Variants in NIPAL2 observed in about 807,000 individuals in gnomAD.
The protein encoded by NIPAL2 is NIPA like domain containing 2.
A neutral mutation model predicts 48.9 loss-of-function variants in NIPAL2; 43 were observed. That is an observed-to-expected ratio of 0.88 (90% CI 0.69 to 1.13). The LOEUF is 1.13. NIPAL2 is among the 50% of genes most tolerant of loss of function. The pLI is 0.00. For synonymous variants in NIPAL2, 167 were observed against 174.6 expected, an observed-to-expected ratio of 0.96 and a Z score of 0.34; for missense variants, 446 against 461.4, an observed-to-expected ratio of 0.97 and a Z score of 0.31.
chr8:98,245,534 T>C (rs1813266534), intron 3 of NIPAL2, among the ~76,000 whole-genome samples: 1 of 152,250 alleles, frequency 6.6e-6, no homozygotes, highest in Non-Finnish European at 1.5e-5. Context: ...TTGCATAATT[T>C]CAAACGAGGG....
intron 5 of NIPAL2, chr8:98,216,900 C>T (rs1184840161): frequency 6.7e-6 from 2 of 299,970 alleles, no homozygotes; most frequent in African/African-American, 4.5e-5. Flanking sequence ...AAGAAAAGGG[C>T]CTCATGGTCA....
chr8:98,268,848 A>G (rs1814945145), intron 1 of NIPAL2, among the ~76,000 whole-genome samples: 1 of 152,194 alleles, frequency 6.6e-6, no homozygotes, highest in South Asian at 2.1e-4. Context: ...ACATACTGCA[A>G]TAGCATTATG....
chr8:98,242,606 C>T (rs1301187925), intron 3 of NIPAL2, among the ~76,000 whole-genome samples: 1 of 151,572 alleles, frequency 6.6e-6, no homozygotes, highest in East Asian at 1.9e-4. Context: ...CTGCCTCAGC[C>T]TCCTGAGTAG....
chr8:98,225,218 G>A (rs1812107381), intron 4 of NIPAL2, among the ~76,000 whole-genome samples: 1 of 152,144 alleles, frequency 6.6e-6, no homozygotes, highest in African/African-American at 2.4e-5. Flanking sequence ...GCAGTTCTGG[G>A]TAGCTGCCAC....
intron 1 of NIPAL2, among the ~76,000 whole-genome samples, chr8:98,263,405 G>C (rs1328693271): frequency 3.3e-5 from 5 of 150,582 alleles, no homozygotes; most frequent in Non-Finnish European, 5.9e-5. Context: ...GAAAAAAAGA[G>C]AGAAGAATCT....
chr8:98,241,149 G>T (rs1330062762), intron 3 of NIPAL2, among the ~76,000 whole-genome samples: 2 of 152,202 alleles, frequency 1.3e-5, no homozygotes, highest in African/African-American at 2.4e-5. Context: ...AGGTATAACT[G>T]AAAACACCAA....
chr8:98,228,401 G>A (rs1189587383), intron 4 of NIPAL2, among the ~76,000 whole-genome samples: 2 of 152,108 alleles, frequency 1.3e-5, no homozygotes, highest in African/African-American at 2.4e-5. Context: ...TGCATTTTAG[G>A]TCAAGACTTG....
intron 3 of NIPAL2, among the ~76,000 whole-genome samples, chr8:98,251,204 GA>G (rs1305503840): frequency 6.6e-6 from 1 of 151,652 alleles, no homozygotes; most frequent in Non-Finnish European, 1.5e-5. Context: ...ATAAAGTAAG[GA>G]AAAAAACTAA....
At chr8:98,213,521 C>T (rs1364645827) in intron 5 of NIPAL2, among the ~76,000 whole-genome samples, 1 of 152,210 alleles carries the variant, frequency 6.6e-6, no homozygotes, top group Non-Finnish European at 1.5e-5. Context: ...ATCATAAAGT[C>T]ATAGGCAACT....
At chr8:98,255,098 C>G (rs1299957910) in intron 1 of NIPAL2, among the ~76,000 whole-genome samples, 2 of 152,158 alleles carry the variant, frequency 1.3e-5, no homozygotes, top group African/African-American at 4.8e-5. Flanking sequence ...TCTGCATCAT[C>G]TACTGCTATA....
At chr8:98,281,001 A>G (rs992614060) in intron 1 of NIPAL2, among the ~76,000 whole-genome samples, 24 of 152,006 alleles carry the variant, frequency 1.6e-4, no homozygotes, top group Non-Finnish European at 2.8e-4. Context: ...AGGAGATGAT[A>G]ACAAGAGAAG....
intron 3 of NIPAL2, chr8:98,252,211 T>C: frequency 2.5e-6 from 1 of 401,924 alleles, no homozygotes. Context: ...CTGTCACCGT[T>C]AATTTATTAA....
At chr8:98,229,523 C>T (rs1812335078) in intron 4 of NIPAL2, among the ~76,000 whole-genome samples, 1 of 152,156 alleles carries the variant, frequency 6.6e-6, no homozygotes, top group Non-Finnish European at 1.5e-5. Context: ...CAGGCATGTG[C>T]CACCATGACT....
intron 1 of NIPAL2, among the ~76,000 whole-genome samples, chr8:98,268,623 A>G (rs199655121): frequency 5.1e-5 from 2 of 39,268 alleles, no homozygotes; most frequent in Non-Finnish European, 1.6e-4. Flanking sequence ...TGTCTCAAAG[A>G]AAAAAAAAAA....
intron 1 of NIPAL2, among the ~76,000 whole-genome samples, chr8:98,260,748 C>T (rs1407137213): frequency 3.3e-5 from 5 of 152,168 alleles, no homozygotes; most frequent in Non-Finnish European, 7.3e-5. Flanking sequence ...ACAAAGCAGC[C>T]GGGAAGCTCC....
At chr8:98,287,675 C>G (rs911485370) in intron 1 of NIPAL2, among the ~76,000 whole-genome samples, 10 of 152,146 alleles carry the variant, frequency 6.6e-5, no homozygotes. Flanking sequence ...ATTTGACATG[C>G]ATTATCTTAT....
chr8:98,268,300 G>A (rs1814898594), intron 1 of NIPAL2, among the ~76,000 whole-genome samples: 1 of 151,860 alleles, frequency 6.6e-6, no homozygotes, highest in African/African-American at 2.4e-5. Context: ...ATGTCTGGTG[G>A]CAGGTCCAAT....
rs1813659075 is a variant in NIPAL2 at position 98,252,653 on chromosome 8, A to G, written c.205-19T>C. The G allele has an allele frequency of 6.3e-7, 1 of 1,596,986 alleles. No individual in the cohort carries two copies. On this transcript the variant is annotated intron_variant, in intron 2 of 10. Coordinates refer to ENST00000430223, the MANE Select transcript of NIPAL2 (RefSeq NM_001321635.2). ...AATATTTCTGAAAGTAAATCAGAAG[A>G]CAAATAAGAAAACATTCTGAGCTAT...
chr8:98,229,797 A>C (rs915949206), intron 4 of NIPAL2, among the ~76,000 whole-genome samples: 14 of 152,244 alleles, frequency 9.2e-5, no homozygotes, highest in African/African-American at 3.4e-4. Flanking sequence ...TGATAACTAT[A>C]ATAGTAATAA....
Sources: gnomAD v4.1 joint callset for allele counts (sites outside exome capture counted in the v4.1 genomes callset) on GRCh38, gnomAD v4.1.1 for gene constraint, MANE v1.5 for transcripts, NCBI Gene and HGNC (gene_info 2026-07-23, HGNC 2026-07-21) for gene names.